Variants in TANGO6 observed in about 807,000 individuals in gnomAD.
The protein encoded by TANGO6 is transport and Golgi organization protein 6 homolog.
A neutral mutation model predicts 114.2 loss-of-function variants in TANGO6; 90 were observed. The observed-to-expected ratio is 0.79, with a 90% CI of 0.66 to 0.94. TANGO6 has a LOEUF of 0.94. TANGO6 is among the 40% of genes least tolerant of loss of function. The pLI is 0.00. For synonymous variants in TANGO6, 477 were observed against 509.8 expected, an observed-to-expected ratio of 0.94 and a Z score of 0.87; for missense variants, 1,274 against 1,315.3, an observed-to-expected ratio of 0.97 and a Z score of 0.49.
chr16:68,848,224 A>G (rs933180523), intron 1 of TANGO6, among the ~76,000 whole-genome samples: 1 of 152,014 alleles, frequency 6.6e-6, no homozygotes. Context: ...CTTCTACCTC[A>G]GCCTCCCAGC....
chr16:68,856,507 T>A (rs765933448), intron 1 of TANGO6, among the ~76,000 whole-genome samples: 40 of 152,232 alleles, frequency 2.6e-4, no homozygotes, highest in Non-Finnish European at 4.7e-4. Context: ...TAAGCATTTT[T>A]AAAAGTTATT....
At chr16:68,882,888 C>G (rs769122510) in intron 7 of TANGO6, among the ~76,000 whole-genome samples, 3 of 151,898 alleles carry the variant, frequency 2.0e-5, no homozygotes, top group African/African-American at 4.8e-5. Context: ...CGTTGTGGTA[C>G]GCGCCTGTAG....
chr16:69,073,690 C>T (rs1353205995), intron 17 of TANGO6, among the ~76,000 whole-genome samples: 1 of 152,192 alleles, frequency 6.6e-6, no homozygotes, highest in Non-Finnish European at 1.5e-5. Context: ...GGCCTGGTGG[C>T]TCACGCCTGT....
At chr16:68,973,580 G>T (rs1280987025) in intron 14 of TANGO6, among the ~76,000 whole-genome samples, 5 of 152,154 alleles carry the variant, frequency 3.3e-5, no homozygotes, top group Admixed American at 3.3e-4. Flanking sequence ...ACGAAGGGGG[G>T]ACTCAGGGTC....
At chr16:69,022,047 G>A (rs571236244) in intron 15 of TANGO6, among the ~76,000 whole-genome samples, 57 of 151,698 alleles carry the variant, frequency 3.8e-4, no homozygotes, top group African/African-American at 1.1e-3. Flanking sequence ...CACCACGCCC[G>A]GCTAATTTTT....
intron 3 of TANGO6, among the ~76,000 whole-genome samples, chr16:68,863,753 A>C (rs377305273): frequency 1.3e-5 from 2 of 152,250 alleles, no homozygotes; most frequent in Admixed American, 1.3e-4. Context: ...TTGAATGGAT[A>C]ATGTATTTGA....
rs368782776 is a variant in TANGO6 at position 69,026,425 on chromosome 16, C to A, written c.2994+3446C>A. On this transcript the variant is annotated intron_variant, in intron 16 of 17. Coordinates refer to ENST00000261778, the MANE Select transcript of TANGO6 (RefSeq NM_024562.2). ...TTGCAGCCAAACCAGACCATGGAGC[C>A]ACTCTTCCATAACATCCAGAAGGAA... 13 of 178,964 alleles carry A rather than the reference C, an allele frequency of 7.3e-5. No individual in the cohort carries two copies. The East Asian group carries it at 1.7e-3, about 24-fold the overall frequency. The allele number at this position is 178,964 out of a possible 1,614,324, so 11.1% of individuals were successfully genotyped here. A position where few individuals can be genotyped will look rare whatever the true frequency, so the allele number is the denominator to read the frequency against.
intron 2 of TANGO6, among the ~76,000 whole-genome samples, chr16:68,861,880 G>A (rs779561695): frequency 1.2e-4 from 18 of 152,006 alleles, no homozygotes; most frequent in South Asian, 4.1e-4. Flanking sequence ...CCCCAAAATT[G>A]TACCCCCTCT....
chr16:69,042,901 A>G (rs1959795331), intron 17 of TANGO6, among the ~76,000 whole-genome samples: 1 of 152,196 alleles, frequency 6.6e-6, no homozygotes, highest in Non-Finnish European at 1.5e-5. Flanking sequence ...GTGTAAATCT[A>G]AAATTATTTC....
At chr16:69,024,558 C>T (rs747386515) in intron 16 of TANGO6, among the ~76,000 whole-genome samples, 1 of 151,910 alleles carries the variant, frequency 6.6e-6, no homozygotes, top group Non-Finnish European at 1.5e-5. Context: ...TGAGCCACCC[C>T]TCCTGGCCCC....
chr16:69,024,324 T>C (rs1482134376), intron 16 of TANGO6, among the ~76,000 whole-genome samples: 2 of 151,672 alleles, frequency 1.3e-5, no homozygotes, highest in Non-Finnish European at 2.9e-5. Context: ...TGGAGTGCAG[T>C]GGCACGATCT....
chr16:69,053,658 T>C (rs1959988247), intron 17 of TANGO6, among the ~76,000 whole-genome samples: 1 of 152,178 alleles, frequency 6.6e-6, no homozygotes, highest in East Asian at 1.9e-4. Flanking sequence ...CAGGTACTTA[T>C]TTATGGACTA....
At chr16:69,067,518 C>CAAAAA (rs1199698790) in intron 17 of TANGO6, among the ~76,000 whole-genome samples, 6 of 43,724 alleles carry the variant, frequency 1.4e-4, no homozygotes, top group Non-Finnish European at 2.1e-4. Flanking sequence ...AACTCCATCT[C>CAAAAA]AAAAAAAAAA....
At chr16:69,064,450 A>G (rs1432626412) in intron 17 of TANGO6, among the ~76,000 whole-genome samples, 2 of 152,162 alleles carry the variant, frequency 1.3e-5, no homozygotes, top group African/African-American at 2.4e-5. Context: ...CTGGCATCCT[A>G]AAGGAAGCCT....
chr16:68,923,121 A>AT lies in TANGO6; in HGVS notation c.2127+3916dup, dbSNP rs112914521. Among the ~76,000 whole-genome samples, 565 of 131,320 alleles carry AT rather than the reference A, an allele frequency of 4.3e-3. 1 individual carries two copies. The highest frequency in any genetic ancestry group is 7.0e-3 in the African/African-American group (249 of 35,726). 86.2% of individuals were successfully genotyped at this position (131,320 alleles called of 152,430 possible). A position where few individuals can be genotyped will look rare whatever the true frequency, so the allele number is the denominator to read the frequency against. On this transcript the variant is annotated intron_variant, in intron 12 of 17. Coordinates refer to ENST00000261778, the MANE Select transcript of TANGO6 (RefSeq NM_024562.2). ...CACCACCACGCCCGGCTCATTTTGT[A>AT]TTTTTTTTTTTTTTGTAGTAGAGAT...
intron 17 of TANGO6, among the ~76,000 whole-genome samples, chr16:69,067,590 C>T (rs1426879392): frequency 4.0e-5 from 6 of 148,974 alleles, no homozygotes; most frequent in Non-Finnish European, 5.9e-5. Flanking sequence ...GAGGCCAAGG[C>T]GGGCGGATCA....
In TANGO6 at chr16:69,056,824, C is replaced by T. The variant is rs373765182; in HGVS notation, c.3108+16403C>T. On this transcript the variant is annotated intron_variant, in intron 17 of 17. Transcript: ENST00000261778. ...AACCCCGAGTATCTGGGGTTACAGG[C>T]GCCTGCCACCACGCCCAACTAATTT... Among the ~76,000 whole-genome samples, 7 of 151,958 alleles carry T rather than the reference C, an allele frequency of 4.6e-5. No homozygotes were observed. In the South Asian group the frequency reaches 6.3e-4, roughly 14 times the overall value.
intron 8 of TANGO6, among the ~76,000 whole-genome samples, chr16:68,902,049 C>CAA (rs747586789): frequency 0.015 from 1,220 of 79,750 alleles, 18 homozygotes; most frequent in African/African-American, 0.047. Context: ...TTGGAATTAC[C>CAA]AAAAAAAAAA....
In TANGO6 at chr16:68,922,767, A is replaced by G. The variant is rs1279982375; in HGVS notation, c.2127+3548A>G. On this transcript the variant is annotated intron_variant, in intron 12 of 17. Transcript: ENST00000261778. ...CCAGACCTTCTTTAGGAAAAACCAAAACCATGTTGTTCCAGGGAGGCAGCA... is the reference window on the plus strand; with the variant it reads ...CCAGACCTTCTTTAGGAAAAACCAAGACCATGTTGTTCCAGGGAGGCAGCA... Among the ~76,000 whole-genome samples the G allele has an allele frequency of 2.6e-5, 4 of 152,120 alleles. No homozygotes were observed. The South Asian group carries it at 8.3e-4, about 32-fold the overall frequency.
Sources: allele counts gnomAD v4.1 joint callset (sites outside exome capture counted in the v4.1 genomes callset), GRCh38; gene constraint gnomAD v4.1.1; transcripts MANE v1.5; gene names NCBI Gene and HGNC (gene_info 2026-07-23, HGNC 2026-07-21).